VIRMA: variants seen among roughly 807,000 people sequenced by gnomAD.
VIRMA encodes the protein protein virilizer homolog.
Under a neutral mutation model 182.4 loss-of-function variants are expected in VIRMA, and 65 were observed. The observed-to-expected ratio is 0.36, with a 90% CI of 0.29 to 0.44. The LOEUF (loss-of-function observed/expected upper bound fraction) is 0.44, where lower values mean the gene tolerates loss of function less well. Ranked by LOEUF, VIRMA falls within the 20% of genes least tolerant of loss-of-function variation. VIRMA has a pLI of 1.00. For synonymous variants in VIRMA, 709 were observed against 743.1 expected (o/e 0.95, Z 0.75); for missense variants, 1,752 against 2,158.1 (o/e 0.81, Z 3.73).
Position 94,510,631 on chromosome 8 carries a change from A to G in VIRMA, c.3412T>C (p.Ser1138Pro). ...TTQVIEPHDI[S>P]VALNTRKLWS... ...AATTTTCGGGTGTTGAGTGCCACTG[A>G]TATATCATGTGGCTCAATAACCTGT... The change falls in exon 14 of 24, where the codon TCA becomes CCA. Residue 1138 changes from serine to proline, a missense_variant. Coordinates refer to ENST00000297591, the MANE Select transcript of VIRMA (RefSeq NM_015496.5). 5.0e-6 allele frequency: 8 copies of G among 1,613,658 alleles called. No homozygotes were observed. The highest frequency in any genetic ancestry group is 6.8e-6 in the Non-Finnish European group (8 of 1,179,582).
At chr8:94,520,083 T>A (rs1814708780) in intron 8 of VIRMA, among the ~76,000 whole-genome samples, 1 of 150,466 alleles carries the variant, frequency 6.6e-6, no homozygotes. Flanking sequence ...TGGTGGCGCA[T>A]GTCTGTAGTC....
intron 20 of VIRMA, among the ~76,000 whole-genome samples, chr8:94,493,462 CATGTGCCT>C (rs1813670510): frequency 6.6e-6 from 1 of 152,290 alleles, no homozygotes; most frequent in South Asian, 2.1e-4. Context: ...CCACTAACAA[CATGTGCCT>C]ATCTAAATTA....
intron 1 of VIRMA, among the ~76,000 whole-genome samples, chr8:94,547,889 T>A (rs963906332): frequency 4.0e-5 from 6 of 148,316 alleles, no homozygotes; most frequent in African/African-American, 1.5e-4. Context: ...AAAAAAACTT[T>A]AAAAACTAGA....
intron 5 of VIRMA, among the ~76,000 whole-genome samples, chr8:94,532,918 G>A (rs1815220922): frequency 6.6e-6 from 1 of 151,994 alleles, no homozygotes; most frequent in Non-Finnish European, 1.5e-5. Flanking sequence ...CTATGATCAG[G>A]CCACTGCACT....
At chr8:94,532,507 G>C (rs1189176301) in intron 5 of VIRMA, among the ~76,000 whole-genome samples, 1 of 152,186 alleles carries the variant, frequency 6.6e-6, no homozygotes, top group East Asian at 1.9e-4. Flanking sequence ...TGTCTATCTA[G>C]TGAAATCTGA....
chr8:94,534,896 G>A lies in VIRMA; in HGVS notation c.427C>T (p.Pro143Ser), dbSNP rs375252635. 7 of 1,604,598 alleles carry A rather than the reference G, an allele frequency of 4.4e-6. No homozygotes were observed. The highest frequency in any genetic ancestry group is 5.1e-6 in the Non-Finnish European group (6 of 1,173,576). ...GGCTGGGGAGGTGGTGGCGGTGGAG[G>A]TGGTGGTGGTGGAGAGTCTCTGTCA... ...SHDRDSPPPP[P>S]PPPPPPQPQP... Residue 143 changes from proline to serine, a missense_variant, in exon 5 of 24, where the codon CCT (proline) becomes TCT (serine). Physicochemically the swap from Pro to Ser is moderately conservative, Grantham distance 74. Coordinates refer to ENST00000297591, the MANE Select transcript of VIRMA (RefSeq NM_015496.5).
chr8:94,526,338 G>A lies in VIRMA; in HGVS notation c.1906C>T (p.His636Tyr), dbSNP rs779330911. 2.5e-6 allele frequency: 4 copies of A among 1,614,020 alleles called. No homozygotes were observed. The South Asian group carries it at 4.4e-5, about 18-fold the overall frequency. Residue 636 changes from histidine to tyrosine, a missense_variant, in exon 8 of 24, where the codon CAT becomes TAT. Physicochemically the swap from His to Tyr is moderately conservative, Grantham distance 83. This residue lies in a region of VIRMA where 401 missense variants were observed against 455.1 expected (regional missense o/e 0.88). Coordinates refer to ENST00000297591, the MANE Select transcript of VIRMA (RefSeq NM_015496.5). ...RLINLLEEVF[H>Y]LMETAPHTMI... ...GTATGAGGGGCAGTTTCCATTAAATGAAAAACTTCTTCTAGGAGGTTAATA... is the reference window on the plus strand; with the variant it reads ...GTATGAGGGGCAGTTTCCATTAAATAAAAAACTTCTTCTAGGAGGTTAATA...
At position 94,511,974 on chromosome 8, in the gene VIRMA, TAAA is replaced by T; in HGVS notation, c.2845+19_2845+21del. ...TTCTAGGCTTAAGAATCGTAGTTTT[TAAA>T]ATACAGTAGCCACATTACCTTCAAC... On this transcript the variant is annotated intron_variant, in intron 12 of 23. Transcript: ENST00000297591. 7.1e-7 allele frequency: 1 copy of T among 1,398,884 alleles called. No individual in the cohort carries two copies. Among genetic ancestry groups the T allele is most frequent in the Non-Finnish European group, 9.6e-7 (1 of 1,039,020 alleles). 86.7% of individuals were successfully genotyped at this position (1,398,884 alleles called of 1,614,324 possible).
At position 94,506,561 on chromosome 8, in the gene VIRMA, T is replaced by C; in HGVS notation, c.4036A>G (p.Thr1346Ala). 6.2e-7 allele frequency: 1 copy of C among 1,613,734 alleles called. No homozygotes were observed. Among genetic ancestry groups the C allele is most frequent in the Non-Finnish European group, 8.5e-7 (1 of 1,179,736 alleles). The change falls in exon 16 of 24, where the codon ACA (threonine) becomes GCA (alanine). Residue 1346 changes from threonine (T) to alanine (A), a missense_variant. By Grantham distance (58) the Thr-to-Ala change is moderately conservative. Transcript: ENST00000297591. ...AGAAACATCATTGTTCTGACACATG[T>C]CAGTAAACAGTTGTAACTGCTCTCA... Reference protein sequence around the residue: ...NSESSYNCLLTCVRTMMFLAE... With the variant: ...NSESSYNCLLACVRTMMFLAE...
chr8:94,511,966 G>A lies in VIRMA; in HGVS notation c.2845+30C>T, dbSNP rs201732969. The A allele has an allele frequency of 4.9e-4, 622 of 1,268,292 alleles. 2 individuals carry two copies. The highest frequency in any genetic ancestry group is 3.8e-3 in the African/African-American group (253 of 65,792). The allele number at this position is 1,268,292 out of a possible 1,614,324, so 78.6% of individuals were successfully genotyped here. A position where few individuals can be genotyped will look rare whatever the true frequency, so the allele number is the denominator to read the frequency against. On this transcript the variant is annotated intron_variant, in intron 12 of 23. Transcript: ENST00000297591. ...GATATTTATTCTAGGCTTAAGAATC[G>A]TAGTTTTTAAAATACAGTAGCCACA...
At chr8:94,544,100 CTGA>C (rs1157363885) in intron 1 of VIRMA, among the ~76,000 whole-genome samples, 158 bp from the exon 2 acceptor site, 3 of 152,122 alleles carry the variant, frequency 2.0e-5, no homozygotes, top group Middle Eastern at 3.2e-3. Context: ...GTATAAATAG[CTGA>C]TAAGATGTAC....
At chr8:94,507,923 A>G (rs1021851791) in intron 15 of VIRMA, among the ~76,000 whole-genome samples, 11 of 149,112 alleles carry the variant, frequency 7.4e-5, no homozygotes, top group African/African-American at 2.7e-4. Context: ...ATGTGTATAT[A>G]TGTATGTACA....
chr8:94,523,217 TG>T (rs1438289387), intron 8 of VIRMA, among the ~76,000 whole-genome samples: 2 of 152,174 alleles, frequency 1.3e-5, no homozygotes, highest in Non-Finnish European at 1.5e-5. Context: ...CACCAAGCCT[TG>T]CCCCAGGAAT....
At position 94,495,887 on chromosome 8, in the gene VIRMA, T is replaced by C. The variant is rs1813757111; in HGVS notation, c.4388A>G (p.His1463Arg). The C allele has an allele frequency of 6.2e-7, 1 of 1,612,266 alleles. No individual in the cohort carries two copies. Among genetic ancestry groups the C allele is most frequent in the East Asian group, 2.2e-5 (1 of 44,834 alleles). ...FLELEKLVLE[H>R]SKDDDNLDSL... ...ATCCAGATTGTCATCATCTTTTGAA[T>C]GTTCCTAGATACAAATAAAGGCAGA... Residue 1463 changes from histidine to arginine, a missense_variant, in exon 19 of 24, where the codon CAT (histidine) becomes CGT (arginine). This residue lies in a region of VIRMA where 777 missense variants were observed against 920.6 expected (regional missense o/e 0.84). Coordinates refer to ENST00000297591, the MANE Select transcript of VIRMA (RefSeq NM_015496.5).
chr8:94,517,076 ATTAT>A (rs144373300), intron 10 of VIRMA, among the ~76,000 whole-genome samples: 45 of 152,354 alleles, frequency 3.0e-4, no homozygotes, highest in Non-Finnish European at 4.9e-4. Flanking sequence ...CATATTTACT[ATTAT>A]TTACTTTTGA....
chr8:94,549,197 G>C (rs3102874), intron 1 of VIRMA, among the ~76,000 whole-genome samples: 91,903 of 152,088 alleles, frequency 0.6, 28,079 homozygotes, highest in East Asian at 0.81. Context: ...TGTATCAATT[G>C]TTTATGTGGA....
At chr8:94,516,601 T>C (rs917868311) in intron 10 of VIRMA, among the ~76,000 whole-genome samples, 8 of 152,148 alleles carry the variant, frequency 5.3e-5, no homozygotes, top group Admixed American at 3.3e-4. Context: ...ATTTTCCCCA[T>C]GCATTTTAAA....
chr8:94,523,974 C>CTGTG (rs369708830), intron 8 of VIRMA, among the ~76,000 whole-genome samples: 6 of 147,780 alleles, frequency 4.1e-5, no homozygotes, highest in African/African-American at 7.6e-5. Flanking sequence ...TTGTGTGTGT[C>CTGTG]TGTGTGTGTG....
At chr8:94,498,228 T>C (rs1168041382) in intron 17 of VIRMA, 1 of 152,144 alleles carries the variant, frequency 6.6e-6, no homozygotes, top group Non-Finnish European at 1.5e-5. Context: ...TACCATGACT[T>C]TGGAAAATAC....
Sources: gnomAD v4.1 joint callset for allele counts (sites outside exome capture counted in the v4.1 genomes callset) on GRCh38, gnomAD v4.1.1 for gene constraint, gnomAD v4.1.1 regional missense constraint, MANE v1.5 for transcripts, NCBI Gene and HGNC (gene_info 2026-07-23, HGNC 2026-07-21) for gene names.